HLA-B: variants seen among roughly 807,000 people sequenced by gnomAD.
The protein encoded by HLA-B is major histocompatibility complex, class I, B, also known as HLA class I antigen HLA-B.
HLA-B carries 31 observed loss-of-function variants against 41.5 expected under a neutral mutation model. The ratio of observed to expected loss-of-function variants is 0.75; its 90% CI spans 0.56 to 1.01. The LOEUF is 1.01. Among genes scored for constraint, HLA-B ranks in the 50% least tolerant of loss-of-function variants. The probability of loss-of-function intolerance (pLI) is 0.00; values close to 1 mark genes in which losing one functional copy is unlikely to be tolerated. For missense variants in HLA-B, 369 were observed against 457.2 expected (o/e 0.81, Z 1.76); for synonymous variants, 138 against 189.0 (o/e 0.73, Z 2.21).
chr6:31,356,745 G>GTA lies in HLA-B; in HGVS notation c.285_286insTA (p.Gln96TyrfsTer56). On this transcript the variant is annotated frameshift_variant, in exon 2 of 8. Coordinates refer to ENST00000412585, the MANE Select transcript of HLA-B (RefSeq NM_005514.8). LOFTEE classifies it high-confidence loss of function. ...TTCCGCAGGCTCTCTCGGTCAGTCT[G>GTA]TGCCTGGGCCTTGTAGATCTGTGTG... 9.0e-7 allele frequency: 1 copy of GTA among 1,114,432 alleles called. No individual in the cohort carries two copies. Among genetic ancestry groups the GTA allele is most frequent in the Non-Finnish European group, 1.2e-6 (1 of 847,848 alleles). 69.0% of individuals were successfully genotyped at this position (1,114,432 alleles called of 1,614,324 possible). A position where few individuals can be genotyped will look rare whatever the true frequency, so the allele number is the denominator to read the frequency against.
chr6:31,354,553 G>A, intron 6 of HLA-B, 27 bp from the exon 7 acceptor site: 3 of 1,432,788 alleles, frequency 2.1e-6, no homozygotes, highest in South Asian at 1.2e-5. Flanking sequence ...ACAGGACCTG[G>A]TCAGAGCCCG....
In HLA-B at chr6:31,356,450, C is replaced by A. The variant is rs4999716; in HGVS notation, c.344-8G>T. ...TCTGGAGGGTGTGAGACCCTGGCCC[C>A]GGCCCCGCGGTCAGCCCAGTCCCCC... On this transcript the variant is annotated splice_region_variant and splice_polypyrimidine_tract_variant and intron_variant, in intron 2 of 7. Coordinates refer to ENST00000412585, the MANE Select transcript of HLA-B (RefSeq NM_005514.8). 18,403 of 822,624 alleles carry A rather than the reference C, an allele frequency of 0.022. 1,742 individuals carry two copies. Among genetic ancestry groups the A allele is most frequent in the African/African-American group, 0.1 (2,571 of 25,600 alleles). 51.0% of individuals were successfully genotyped at this position (822,624 alleles called of 1,614,324 possible).
rs750809471 is a variant in HLA-B, at chr6:31,355,726, G to T, written c.620-134C>A. 13 of 784,654 alleles carry T rather than the reference G, an allele frequency of 1.7e-5. 1 individual carries two copies. In the South Asian group the frequency reaches 1.9e-4, roughly 12 times the overall value. 48.6% of individuals were successfully genotyped at this position (784,654 alleles called of 1,614,324 possible). ...GGGCACAGAACCCAGACACCAGCCT[G>T]GACGCAGGCACCTGGGATAATCTCC... is the stretch of plus-strand genomic sequence containing the variant. On this transcript the variant is annotated intron_variant, in intron 3 of 7. Coordinates refer to ENST00000412585, the MANE Select transcript of HLA-B (RefSeq NM_005514.8).
At chr6:31,356,644 G>C (rs771261870) in intron 2 of HLA-B, 44 bp downstream of exon 2, 2 of 1,432,984 alleles carry the variant, frequency 1.4e-6, no homozygotes, top group South Asian at 1.2e-5. Flanking sequence ...CCGTACGTGG[G>C]GGATGGGGAG....
Position 31,354,164 on chromosome 6 carries a change from CA to C in HLA-B, c.*136del. On this transcript the variant is annotated 3_prime_UTR_variant, in exon 8 of 8. Transcript: ENST00000412585. Reference sequence around the variant, plus strand: ...AGGGTGGGCTGTCTCTCCACCTCCTCACATTATGCTAACAGGGACGCAGACA... The same window carrying C: ...AGGGTGGGCTGTCTCTCCACCTCCTCCATTATGCTAACAGGGACGCAGACA... 1 of 528,934 alleles carries C rather than the reference CA, an allele frequency of 1.9e-6. No individual in the cohort carries two copies. The highest frequency in any genetic ancestry group is 3.7e-6 in the Non-Finnish European group (1 of 272,642). The allele number at this position is 528,934 out of a possible 1,614,324, so 32.8% of individuals were successfully genotyped here.
At chr6:31,355,037 CT>C in intron 5 of HLA-B, 69 bp downstream of exon 5, 1 of 571,270 alleles carries the variant, frequency 1.8e-6, no homozygotes, top group South Asian at 2.4e-5. Flanking sequence ...GCAGGGAACA[CT>C]TCTACCTGGG....
intron 3 of HLA-B, 36 bp downstream of exon 3, chr6:31,356,131 T>A (rs201073969): frequency 9.1e-7 from 1 of 1,096,938 alleles, no homozygotes; most frequent in Non-Finnish European, 1.2e-6. Context: ...CGGCGACCTA[T>A]AGGAGATGGG....
At chr6:31,354,423 G>GCCCCCTCCCCC in intron 7 of HLA-B, 56 bp downstream of exon 7, 3 of 318,242 alleles carry the variant, frequency 9.4e-6, no homozygotes, top group Non-Finnish European at 1.7e-5. Context: ...TTTCCCCTCT[G>GCCCCCTCCCCC]CCCCACCCAC....
Position 31,354,528 on chromosome 6 carries a change from T to A in HLA-B, c.1046-2A>T. 1 of 1,317,360 alleles carries A rather than the reference T, an allele frequency of 7.6e-7. No homozygotes were observed. The highest frequency in any genetic ancestry group is 9.9e-7 in the Non-Finnish European group (1 of 1,006,442). The allele number at this position is 1,317,360 out of a possible 1,614,324, so 81.6% of individuals were successfully genotyped here. Reference sequence around the variant, plus strand: ...CAGAGCCCTGGGCACTGTCGCTGCCTGGAGTAGAACAAAAACAGGACCTGG... The same window carrying A: ...CAGAGCCCTGGGCACTGTCGCTGCCAGGAGTAGAACAAAAACAGGACCTGG... On this transcript the variant is annotated splice_acceptor_variant, in intron 6 of 7. Coordinates refer to ENST00000412585, the MANE Select transcript of HLA-B (RefSeq NM_005514.8). LOFTEE classifies it high-confidence loss of function.
intron 3 of HLA-B, 180 bp from the exon 4 acceptor site, chr6:31,355,772 T>C: frequency 1.4e-6 from 1 of 701,634 alleles, no homozygotes; most frequent in Non-Finnish European, 2.5e-6. Context: ...AAAGTTCGAG[T>C]CTCTGAGCGG....
At chr6:31,356,095 C>T in intron 3 of HLA-B, 72 bp downstream of exon 3, 2 of 1,265,216 alleles carry the variant, frequency 1.6e-6, no homozygotes, top group Non-Finnish European at 2.1e-6. Flanking sequence ...TCCCATTTTC[C>T]TCCTCTTCTC....
rs770428791 is a variant in HLA-B at position 31,355,170 on chromosome 6, C to T, written c.949G>A (p.Val317Ile). Residue 317 changes from valine to isoleucine, a missense_variant, in exon 5 of 8, where the codon GTC (valine) becomes ATC (isoleucine). Val to Ile is a conservative substitution (Grantham distance 29). Transcript: ENST00000412585. ...PIVGIVAGLA[V>I]LAVVVIGAVV... is the part of the protein sequence containing the mutation. Reference sequence around the variant, plus strand: ...GCTCCGATGACCACAACTGCTAGGACAGCCAGGCCAGCAACAATGCCCACG... The same window carrying T: ...GCTCCGATGACCACAACTGCTAGGATAGCCAGGCCAGCAACAATGCCCACG... 1.6e-6 allele frequency: 2 copies of T among 1,237,500 alleles called. No homozygotes were observed. The highest frequency in any genetic ancestry group is 5.6e-5 in the Admixed American group (2 of 35,898). The allele number at this position is 1,237,500 out of a possible 1,614,324, so 76.7% of individuals were successfully genotyped here.
In HLA-B at chr6:31,354,090, T is replaced by A; in HGVS notation, c.*211A>T. ...ACCTCTCTGGAACAAGAAAGATGAC[T>A]GGGGAGGAAACACAGGTCAGCATGG... On this transcript the variant is annotated 3_prime_UTR_variant, in exon 8 of 8. Transcript: ENST00000412585. 2.5e-6 allele frequency: 1 copy of A among 392,678 alleles called. No individual in the cohort carries two copies. Among genetic ancestry groups the A allele is most frequent in the South Asian group, 2.5e-5 (1 of 40,214 alleles). The allele number at this position is 392,678 out of a possible 1,614,324, so 24.3% of individuals were successfully genotyped here. A position where few individuals can be genotyped will look rare whatever the true frequency, so the allele number is the denominator to read the frequency against.
At position 31,356,514 on chromosome 6, in the gene HLA-B, G is replaced by A. The variant is rs41562514; in HGVS notation, c.344-72C>T. Reference sequence around the variant, plus strand: ...CCCCGACCAACCCGCGGGGATTTTGGCCTCAACTGAAAATGAAACCGGGTA... The same window carrying A: ...CCCCGACCAACCCGCGGGGATTTTGACCTCAACTGAAAATGAAACCGGGTA... On this transcript the variant is annotated intron_variant, in intron 2 of 7. Transcript: ENST00000412585. 3.2e-4 allele frequency: 319 copies of A among 990,714 alleles called. 3 individuals carry two copies. In the Middle Eastern group the frequency reaches 5.2e-3, roughly 16 times the overall value. The allele number at this position is 990,714 out of a possible 1,614,324, so 61.4% of individuals were successfully genotyped here.
At position 31,354,139 on chromosome 6, in the gene HLA-B, A is replaced by AGG; in HGVS notation, c.*160_*161dup. On this transcript the variant is annotated 3_prime_UTR_variant, in exon 8 of 8. Coordinates refer to ENST00000412585, the MANE Select transcript of HLA-B (RefSeq NM_005514.8). ...GGGAACAGGGGTCACAGTGGACACA[A>AGG]GGGTGGGCTGTCTCTCCACCTCCTC... 2.1e-6 allele frequency: 1 copy of AGG among 486,484 alleles called. No individual in the cohort carries two copies. Among genetic ancestry groups the AGG allele is most frequent in the Non-Finnish European group, 4.0e-6 (1 of 249,562 alleles). The allele number at this position is 486,484 out of a possible 1,614,324, so 30.1% of individuals were successfully genotyped here.
At position 31,353,975 on chromosome 6, in the gene HLA-B, T is replaced by G. The variant is rs1057412; in HGVS notation, c.*326A>C. The G allele has an allele frequency of 0.17, 57,271 of 345,232 alleles. 2,744 individuals are homozygous for G. Among genetic ancestry groups the G allele is most frequent in the South Asian group, 0.26 (6,654 of 25,550 alleles). 21.4% of individuals were successfully genotyped at this position (345,232 alleles called of 1,614,324 possible). On this transcript the variant is annotated 3_prime_UTR_variant, in exon 8 of 8. Transcript: ENST00000412585. Reference sequence around the variant, plus strand: ...ATAGCAAATATTTGAGAAAACAAATTTATATTCAGATTCTTATTTTCAGTA... The same window carrying G: ...ATAGCAAATATTTGAGAAAACAAATGTATATTCAGATTCTTATTTTCAGTA...
chr6:31,354,431 C>CCCCCCCCA, intron 7 of HLA-B, 48 bp downstream of exon 7: 2 of 362,280 alleles, frequency 5.5e-6, no homozygotes, highest in South Asian at 2.3e-5. Context: ...CTGCCCCACC[C>CCCCCCCCA]ACCCCCAGAC....
chr6:31,357,123 C>A lies in HLA-B; in HGVS notation c.36G>T (p.Leu12=). The A allele has an allele frequency of 1.1e-6, 1 of 893,040 alleles. No homozygotes were observed. 55.3% of individuals were successfully genotyped at this position (893,040 alleles called of 1,614,324 possible). The change falls in exon 1 of 8, where the codon CTG becomes CTT. Residue 12 remains leucine, a synonymous_variant. Coordinates refer to ENST00000412585, the MANE Select transcript of HLA-B (RefSeq NM_005514.8). The part of the protein sequence containing the change: ...LVMAPRTVLL[L]LSAALALTET... The stretch of plus-strand genomic sequence containing the variant: ...CGGTCAGGGCCAGGGCCGCCGAGAG[C>A]AGCAGGAGGACGGTTCGGGGCGCCA...
Position 31,354,022 on chromosome 6 carries a change from C to T in HLA-B, c.*279G>A. On this transcript the variant is annotated 3_prime_UTR_variant, in exon 8 of 8. Transcript: ENST00000412585. ...AGTAGGGAAGTAAGAAGTTGCAGCT[C>T]AGTGCACGTAAAGTTGAGACAGAGA... The T allele has an allele frequency of 2.6e-6, 1 of 382,446 alleles. No individual in the cohort carries two copies. The allele number at this position is 382,446 out of a possible 1,614,324, so 23.7% of individuals were successfully genotyped here.
Sources: allele counts gnomAD v4.1 joint callset, GRCh38; gene constraint gnomAD v4.1.1; transcripts MANE v1.5; gene names NCBI Gene and HGNC (gene_info 2026-07-23, HGNC 2026-07-21).